Variants in MCF2L observed in about 807,000 individuals in gnomAD.
MCF2L encodes MCF.2 cell line derived transforming sequence like.
A neutral mutation model predicts 153.4 loss-of-function variants in MCF2L; 97 were observed. That is an observed-to-expected ratio of 0.63 (90% CI 0.54 to 0.75). The LOEUF is 0.75. Among genes scored for constraint, MCF2L ranks in the 30% least tolerant of loss-of-function variants. The pLI, the probability that MCF2L is intolerant of heterozygous loss-of-function variation, is 0.00. For missense variants in MCF2L, 1,347 were observed against 1,495.2 expected (o/e 0.90, Z 1.64); for synonymous variants, 659 against 632.2 (o/e 1.04, Z -0.64).
intron 4 of MCF2L, among the ~76,000 whole-genome samples, chr13:113,057,573 GTGTT>G (rs1236576402): frequency 3.4e-5 from 5 of 146,596 alleles, no homozygotes; most frequent in Non-Finnish European, 7.5e-5. Flanking sequence ...TGGGTGCTGT[GTGTT>G]TGAGTGGTGT....
intron 12 of MCF2L, 129 bp downstream of exon 12, chr13:113,076,286 T>A (rs1745960): frequency 0.48 from 318,405 of 659,674 alleles, 78,862 homozygotes; most frequent in Admixed American, 0.6. Context: ...TTTTTTGAGA[T>A]GGAATCTCGC....
chr13:113,063,817 T>G (rs2031939332), intron 5 of MCF2L: 3 of 431,226 alleles, frequency 7.0e-6, no homozygotes. Flanking sequence ...TGTCAACAAC[T>G]GCATCCTTCA....
chr13:113,083,925 C>T (rs774704567), intron 17 of MCF2L, 73 bp from the exon 18 acceptor site: 23 of 1,083,892 alleles, frequency 2.1e-5, no homozygotes, highest in Non-Finnish European at 2.9e-5. Flanking sequence ...TGAAAAATGA[C>T]GTCCATCCAC....
intron 2 of MCF2L, among the ~76,000 whole-genome samples, chr13:112,903,192 A>C (rs1416731749): frequency 6.6e-6 from 1 of 152,208 alleles, no homozygotes; most frequent in African/African-American, 2.4e-5. Context: ...GCAGGCTTCC[A>C]GCACCAATGG....
Position 113,027,731 on chromosome 13 carries a change from T to C in MCF2L, c.278+2973T>C, listed in dbSNP as rs1355865085. On this transcript the variant is annotated intron_variant, in intron 3 of 29. Coordinates refer to ENST00000535094, the MANE Select transcript of MCF2L (RefSeq NM_001112732.3). The surrounding 1 kb of genome is among the most constrained non-coding windows in gnomAD (Gnocchi z 4.8). ...ATTCCTCCCTGGTTCTCAGCCACAC[T>C]GTGGCAGGAAGGCAGTTATTAAGCC... Among the ~76,000 whole-genome samples the C allele has an allele frequency of 6.6e-6, 1 of 152,168 alleles. No homozygotes were observed. Among genetic ancestry groups the C allele is most frequent in the Admixed American group, 6.5e-5 (1 of 15,284 alleles).
In MCF2L at chr13:112,913,431, C is replaced by G. The variant is rs143290728; in HGVS notation, c.169+11060C>G. Among the ~76,000 whole-genome samples, 74 of 152,268 alleles carry G rather than the reference C, an allele frequency of 4.9e-4. No homozygotes were observed. In the East Asian group the frequency reaches 0.014, roughly 28 times the overall value. ...GAGATGTGTGGCCGTCATGATGTCT[C>G]AGCTGCAGGCATTTTTCAAAGTTAT... On this transcript the variant is annotated intron_variant, in intron 2 of 29. Coordinates refer to the MCF2L transcript ENST00000375608.
intron 3 of MCF2L, chr13:113,044,211 T>G (rs912728271): frequency 3.4e-5 from 8 of 233,558 alleles, no homozygotes; most frequent in African/African-American, 1.8e-4. Flanking sequence ...TTGAATCAAA[T>G]TACCCTACAT....
chr13:112,942,884 A>G (rs61168799), intron 2 of MCF2L, among the ~76,000 whole-genome samples: 1 of 152,104 alleles, frequency 6.6e-6, no homozygotes, highest in African/African-American at 2.4e-5. Flanking sequence ...CCATCCCCAC[A>G]TGCCAGCAGA....
chr13:113,008,500 C>A (rs557900675), intron 1 of MCF2L, among the ~76,000 whole-genome samples: 99 of 152,262 alleles, frequency 6.5e-4, no homozygotes, highest in African/African-American at 2.3e-3. Context: ...AAAATCTAAG[C>A]AAACTGTCTT....
At chr13:112,949,111 C>T (rs771138368) in intron 2 of MCF2L, among the ~76,000 whole-genome samples, 4 of 152,236 alleles carry the variant, frequency 2.6e-5, no homozygotes, top group Non-Finnish European at 4.4e-5. Context: ...AGGGAAAAAA[C>T]TGCAAACAAC....
intron 14 of MCF2L, 96 bp from the exon 15 acceptor site, chr13:113,078,570 C>T (rs1478400976): frequency 3.6e-5 from 51 of 1,410,844 alleles, no homozygotes; most frequent in Non-Finnish European, 4.9e-5. Context: ...GGAATTCAGC[C>T]CTGTCCCCAT....
chr13:112,988,110 C>A (rs1243918737), intron 1 of MCF2L, among the ~76,000 whole-genome samples: 1 of 152,196 alleles, frequency 6.6e-6, no homozygotes, highest in African/African-American at 2.4e-5. Context: ...GGGGCTGAGA[C>A]CAGGAGTTTG....
intron 1 of MCF2L, chr13:113,001,473 G>A (rs1245912643): frequency 1.2e-5 from 2 of 163,140 alleles, no homozygotes; most frequent in Non-Finnish European, 2.6e-5. Flanking sequence ...CCTCGGCCTA[G>A]GTCCCCACAG....
rs1466539929 is a variant in MCF2L, at chr13:112,993,738, A to T, written c.80-21025A>T. On this transcript the variant is annotated intron_variant, in intron 1 of 29. Coordinates refer to ENST00000535094, the MANE Select transcript of MCF2L (RefSeq NM_001112732.3). This position sits in a 1 kb window ranked among gnomAD's most constrained non-coding sequence, Gnocchi z 4.6. ...AGACTTCAGAGGGAGAGGTTAGGTG[A>T]TCCCATCCCATTTTAGCACCAGAAG... 6.6e-6 allele frequency among the ~76,000 whole-genome samples: 1 copy of T among 151,992 alleles called. No individual in the cohort carries two copies. The highest frequency in any genetic ancestry group is 1.5e-5 in the Non-Finnish European group (1 of 67,994).
At chr13:112,979,858 C>A in intron 1 of MCF2L, 1 of 1,106,976 alleles carries the variant, frequency 9.0e-7, no homozygotes, top group Non-Finnish European at 1.3e-6. Flanking sequence ...ATTTCTCTCA[C>A]CACTTGACCA....
At chr13:112,927,959 G>T (rs953148383) in intron 2 of MCF2L, among the ~76,000 whole-genome samples, 42 of 152,192 alleles carry the variant, frequency 2.8e-4, no homozygotes, top group African/African-American at 9.7e-4. Context: ...TTTGATCCTA[G>T]TTCAAACAAA....
intron 2 of MCF2L, among the ~76,000 whole-genome samples, chr13:112,945,093 G>T (rs2081624197): frequency 6.6e-6 from 1 of 150,668 alleles, no homozygotes; most frequent in African/African-American, 2.4e-5. Flanking sequence ...TGCTGTTTAG[G>T]CTCAGTCTTG....
intron 22 of MCF2L, 84 bp downstream of exon 22, chr13:113,087,540 C>A: frequency 1.7e-6 from 2 of 1,183,960 alleles, no homozygotes; most frequent in East Asian, 2.6e-5. Context: ...GAGGTGGCCA[C>A]GCTGACACCC....
intron 2 of MCF2L, among the ~76,000 whole-genome samples, chr13:112,903,258 G>A (rs2081137146): frequency 6.6e-6 from 1 of 152,204 alleles, no homozygotes; most frequent in South Asian, 2.1e-4. Flanking sequence ...CTCTAAATCT[G>A]GTGCTTTTCT....
Sources: gnomAD v4.1 joint callset for allele counts (sites outside exome capture counted in the v4.1 genomes callset) on GRCh38, gnomAD v4.1.1 for gene constraint, Gnocchi (gnomAD v3.1) non-coding constraint, MANE v1.5 for transcripts, NCBI Gene and HGNC (gene_info 2026-07-23, HGNC 2026-07-21) for gene names.